Variants in HYAL4 observed in about 807,000 individuals in gnomAD.
The protein encoded by HYAL4 is hyaluronidase 4.
Under a neutral mutation model 35.2 loss-of-function variants are expected in HYAL4, and 37 were observed. The ratio of observed to expected loss-of-function variants is 1.05; its 90% CI spans 0.81 to 1.38. The LOEUF is 1.38. Among genes scored for constraint, HYAL4 ranks in the 40% most tolerant of loss-of-function variants. HYAL4 has a pLI of 0.00. For synonymous variants in HYAL4, 198 were observed against 203.2 expected (o/e 0.97, Z 0.22); for missense variants, 572 against 572.4 (o/e 1.00, Z 0.01).
the HYAL4 span, among the ~76,000 whole-genome samples, chr7:123,801,991 A>G: frequency 6.6e-6 from 1 of 152,160 alleles, no homozygotes; most frequent in African/African-American, 2.4e-5. Context: ...TAGTATGGAA[A>G]ACACTTTTAT....
chr7:123,778,907 T>A, the HYAL4 span, among the ~76,000 whole-genome samples: 1 of 152,204 alleles, frequency 6.6e-6, no homozygotes, highest in Non-Finnish European at 1.5e-5. Context: ...AGCAATATAT[T>A]GCAACAGTTT....
At chr7:123,857,733 C>CT (rs1198587826) in intron 2 of HYAL4, among the ~76,000 whole-genome samples, 39 of 144,178 alleles carry the variant, frequency 2.7e-4, no homozygotes, top group Admixed American at 1.1e-3. Flanking sequence ...TTCTTTCTTT[C>CT]AATAGAAACA....
chr7:123,865,874 TG>T (rs1235325731), intron 2 of HYAL4, among the ~76,000 whole-genome samples: 1 of 152,180 alleles, frequency 6.6e-6, no homozygotes, highest in Non-Finnish European at 1.5e-5. Context: ...CAGATCCACA[TG>T]GTTGGGGACC....
the HYAL4 span, among the ~76,000 whole-genome samples, chr7:123,816,358 C>A: frequency 6.6e-6 from 1 of 152,088 alleles, no homozygotes; most frequent in East Asian, 1.9e-4. Context: ...TCAAGTGATG[C>A]CAGCTTTCTC....
At chr7:123,790,488 TC>T in the HYAL4 span, 1 of 152,086 alleles carries the variant, frequency 6.6e-6, no homozygotes, top group Non-Finnish European at 1.5e-5. Context: ...AACCCAAATT[TC>T]TATAGCATTC....
chr7:123,784,484 A>G, the HYAL4 span, among the ~76,000 whole-genome samples: 1 of 152,214 alleles, frequency 6.6e-6, no homozygotes, highest in Non-Finnish European at 1.5e-5. Flanking sequence ...GAGTCCTTGG[A>G]AAGAATTATT....
the HYAL4 span, among the ~76,000 whole-genome samples, chr7:123,823,436 G>C: frequency 6.6e-6 from 1 of 152,028 alleles, no homozygotes. Context: ...TCTTTGCCTT[G>C]CTTTGGTATC....
At chr7:123,842,468 A>G (rs962781637), upstream of HYAL4, among the ~76,000 whole-genome samples, 1 of 152,032 alleles carries the variant, frequency 6.6e-6, no homozygotes, top group Non-Finnish European at 1.5e-5. Flanking sequence ...AAGAATGTAT[A>G]TTCTGTTGAT....
chr7:123,802,474 A>G, the HYAL4 span, among the ~76,000 whole-genome samples: 67 of 152,270 alleles, frequency 4.4e-4, 1 homozygote, highest in East Asian at 0.012. Context: ...GCACACATCA[A>G]CAGTGCTTGT....
intron 2 of HYAL4, among the ~76,000 whole-genome samples, chr7:123,851,061 A>C (rs1248344800): frequency 6.6e-6 from 1 of 152,230 alleles, no homozygotes; most frequent in Non-Finnish European, 1.5e-5. Context: ...CTTCACATTT[A>C]TGGTTAATGT....
the HYAL4 span, among the ~76,000 whole-genome samples, chr7:123,798,646 C>T: frequency 1.3e-5 from 2 of 152,130 alleles, no homozygotes; most frequent in African/African-American, 4.8e-5. Flanking sequence ...CCATTTACTC[C>T]CTTCGTGGCA....
the HYAL4 span, among the ~76,000 whole-genome samples, chr7:123,821,869 A>T: frequency 6.6e-6 from 1 of 152,138 alleles, no homozygotes; most frequent in South Asian, 2.1e-4. Context: ...GCCTACAGAT[A>T]TCTAGTTTTC....
the HYAL4 span, among the ~76,000 whole-genome samples, chr7:123,820,514 C>T: frequency 8.0e-5 from 12 of 150,454 alleles, no homozygotes; most frequent in South Asian, 2.5e-3. Flanking sequence ...ACCTGGGATG[C>T]AGAGTTGGCG....
intron 2 of HYAL4, among the ~76,000 whole-genome samples, chr7:123,856,097 C>T (rs1345415073): frequency 6.6e-6 from 1 of 151,864 alleles, no homozygotes; most frequent in Non-Finnish European, 1.5e-5. Context: ...TTAGCAGTTC[C>T]TGTAACCTTT....
the HYAL4 span, among the ~76,000 whole-genome samples, chr7:123,816,719 C>G: frequency 6.6e-6 from 1 of 152,166 alleles, no homozygotes; most frequent in Non-Finnish European, 1.5e-5. Flanking sequence ...ACTGCATTCT[C>G]TACTCACCAA....
chr7:123,782,282 A>G, the HYAL4 span, among the ~76,000 whole-genome samples: 1 of 152,216 alleles, frequency 6.6e-6, no homozygotes, highest in Middle Eastern at 3.2e-3. Flanking sequence ...GAGAAATTCC[A>G]TTGTGTATTA....
chr7:123,825,765 TG>T (rs1805796231), upstream of HYAL4, among the ~76,000 whole-genome samples: 1 of 152,184 alleles, frequency 6.6e-6, no homozygotes, highest in Non-Finnish European at 1.5e-5. Context: ...TAGTTAGGCT[TG>T]TCAGATATAA....
intron 2 of HYAL4, among the ~76,000 whole-genome samples, chr7:123,859,012 T>A (rs1180320159): frequency 1.3e-5 from 2 of 152,030 alleles, no homozygotes; most frequent in African/African-American, 4.8e-5. Flanking sequence ...ATAAAAACAA[T>A]GCCATAGACA....
At chr7:123,818,994 A>G in the HYAL4 span, among the ~76,000 whole-genome samples, 1 of 152,160 alleles carries the variant, frequency 6.6e-6, no homozygotes, top group Admixed American at 6.6e-5. Flanking sequence ...TGTTGTCATT[A>G]CCTATAGACA....
Sources: allele counts gnomAD v4.1 joint callset (sites outside exome capture counted in the v4.1 genomes callset), GRCh38; gene constraint gnomAD v4.1.1; transcripts MANE v1.5; gene names NCBI Gene and HGNC (gene_info 2026-07-23, HGNC 2026-07-21).